Variants in SLIT3 observed in about 807,000 individuals in gnomAD.
SLIT3 encodes the protein slit guidance ligand 3.
A neutral mutation model predicts 184.0 loss-of-function variants in SLIT3; 68 were observed. The observed-to-expected ratio is 0.37, with a 90% CI of 0.30 to 0.45. The LOEUF (loss-of-function observed/expected upper bound fraction) is 0.45. Among genes scored for constraint, SLIT3 ranks in the 20% least tolerant of loss-of-function variants. The pLI is 1.00. For synonymous variants in SLIT3, 831 were observed against 828.6 expected (o/e 1.00, Z -0.05); for missense variants, 1,707 against 2,026.0 (o/e 0.84, Z 3.02).
At chr5:168,886,169 T>A (rs1760200765) in intron 4 of SLIT3, among the ~76,000 whole-genome samples, 1 of 152,206 alleles carries the variant, frequency 6.6e-6, no homozygotes, top group Non-Finnish European at 1.5e-5. Flanking sequence ...TTATTAATTT[T>A]ATTTTCCATT....
In SLIT3 at chr5:169,090,933, T is replaced by C. The variant is rs1417599623; in HGVS notation, c.413+102546A>G. ...TCTTAAGCTACAAGTCTGTGTATTGTGCTCCTCCATCGTATTCCCAAAACA... is the reference window on the plus strand; with the variant it reads ...TCTTAAGCTACAAGTCTGTGTATTGCGCTCCTCCATCGTATTCCCAAAACA... On this transcript the variant is annotated intron_variant, in intron 4 of 35. Coordinates refer to ENST00000519560, the MANE Select transcript of SLIT3 (RefSeq NM_003062.4). Among the ~76,000 whole-genome samples, 7 of 152,236 alleles carry C rather than the reference T, an allele frequency of 4.6e-5. No individual in the cohort carries two copies. The South Asian group carries it at 1.2e-3, about 27-fold the overall frequency.
rs368077546 is a variant in SLIT3 at position 168,724,530 on chromosome 5, C to G, written c.2271-46G>C. On this transcript the variant is annotated intron_variant, in intron 20 of 35. Coordinates refer to ENST00000519560, the MANE Select transcript of SLIT3 (RefSeq NM_003062.4). The stretch of plus-strand genomic sequence containing the variant: ...CAACACCTGAGAAAGAGACACTGTA[C>G]AAATTCTCACCTTTTCAGAGAAGCC... 1.1e-5 allele frequency: 17 copies of G among 1,541,676 alleles called. No homozygotes were observed. In the African/African-American group the frequency reaches 2.2e-4, roughly 20 times the overall value.
At chr5:169,225,684 G>A (rs926285797) in intron 3 of SLIT3, among the ~76,000 whole-genome samples, 7 of 152,200 alleles carry the variant, frequency 4.6e-5, no homozygotes, top group Admixed American at 1.3e-4. Context: ...GCTGAAAAAT[G>A]AATGGCAGTT....
chr5:168,896,650 G>C (rs1377149738), intron 4 of SLIT3, among the ~76,000 whole-genome samples: 1 of 152,222 alleles, frequency 6.6e-6, no homozygotes, highest in East Asian at 1.9e-4. Context: ...AGATGGCAAA[G>C]ATGGGAACAC....
intron 5 of SLIT3, among the ~76,000 whole-genome samples, chr5:168,867,631 T>C (rs550860794): frequency 6.6e-6 from 1 of 152,316 alleles, no homozygotes; most frequent in South Asian, 2.1e-4. Flanking sequence ...GATGTTCAAG[T>C]CCAGGAACAG....
chr5:169,044,075 C>G (rs17636298), intron 4 of SLIT3, among the ~76,000 whole-genome samples: 2,163 of 152,276 alleles, frequency 0.014, 15 homozygotes, highest in East Asian at 0.021. Context: ...AATCAATGCA[C>G]AGAAGCAAGG....
At chr5:169,022,895 G>C (rs1288681598) in intron 4 of SLIT3, 2 of 152,070 alleles carry the variant, frequency 1.3e-5, no homozygotes, top group Non-Finnish European at 2.9e-5. Flanking sequence ...ACCCACCCCA[G>C]CTTACAGCCC....
chr5:169,112,967 T>C (rs774730751), intron 4 of SLIT3, among the ~76,000 whole-genome samples: 1 of 152,158 alleles, frequency 6.6e-6, no homozygotes, highest in Non-Finnish European at 1.5e-5. Context: ...TTCCTCATGT[T>C]TAACCATCAC....
At position 169,150,279 on chromosome 5, in the gene SLIT3, G is replaced by C. The variant is rs376916326; in HGVS notation, c.413+43200C>G. ...ACTATACCAGGCACTTCACGGCAGA[G>C]AAAAACATCACAGATGCCTTGTGTG... On this transcript the variant is annotated intron_variant, in intron 4 of 35. Coordinates refer to ENST00000519560, the MANE Select transcript of SLIT3 (RefSeq NM_003062.4). 3.3e-5 allele frequency among the ~76,000 whole-genome samples: 5 copies of C among 152,284 alleles called. No homozygotes were observed. The South Asian group carries it at 1.0e-3, about 32-fold the overall frequency.
intron 1 of SLIT3, among the ~76,000 whole-genome samples, chr5:169,292,994 G>C (rs1379792364): frequency 6.6e-6 from 1 of 152,144 alleles, no homozygotes; most frequent in Admixed American, 6.5e-5. Flanking sequence ...AACAGTGAAG[G>C]CATGGAAGGT....
At chr5:169,123,173 C>T (rs1260448616) in intron 4 of SLIT3, among the ~76,000 whole-genome samples, 1 of 151,734 alleles carries the variant, frequency 6.6e-6, no homozygotes, top group Non-Finnish European at 1.5e-5. Context: ...GTTTGAGGTA[C>T]TAAGAAAGGT....
At chr5:168,764,114 T>C (rs1476582696) in intron 14 of SLIT3, among the ~76,000 whole-genome samples, 1 of 152,184 alleles carries the variant, frequency 6.6e-6, no homozygotes, top group African/African-American at 2.4e-5. Flanking sequence ...GTTGTGCAGA[T>C]GAAAGTAACA....
intron 20 of SLIT3, among the ~76,000 whole-genome samples, chr5:168,727,047 C>T (rs565282616): frequency 8.0e-5 from 12 of 149,408 alleles, no homozygotes; most frequent in East Asian, 6.0e-4. Flanking sequence ...TGGCTGGGCA[C>T]GGTGGCTCAC....
At chr5:168,709,097 G>GT (rs1762466324) in intron 25 of SLIT3, among the ~76,000 whole-genome samples, 1 of 137,432 alleles carries the variant, frequency 7.3e-6, no homozygotes, top group Admixed American at 7.8e-5. Context: ...GTTGTTTTCT[G>GT]TTTGTTTTTT....
At chr5:169,004,011 T>C (rs1464777293) in intron 4 of SLIT3, among the ~76,000 whole-genome samples, 1 of 152,088 alleles carries the variant, frequency 6.6e-6, no homozygotes, top group East Asian at 1.9e-4. Context: ...CATTGGTAAA[T>C]CATCAGCATA....
At chr5:168,697,504 G>A (rs191804942) in intron 27 of SLIT3, among the ~76,000 whole-genome samples, 349 of 152,266 alleles carry the variant, frequency 2.3e-3, no homozygotes, top group Admixed American at 3.7e-3. Flanking sequence ...GGCCTAACCC[G>A]TTTGTCAGGG....
At chr5:169,162,952 G>A (rs2113396606) in intron 4 of SLIT3, among the ~76,000 whole-genome samples, 1 of 152,222 alleles carries the variant, frequency 6.6e-6, no homozygotes, top group South Asian at 2.1e-4. Flanking sequence ...CAGAGAATGG[G>A]GAACTTGAAC....
At chr5:169,211,947 G>A (rs1212464947) in intron 3 of SLIT3, among the ~76,000 whole-genome samples, 1 of 152,112 alleles carries the variant, frequency 6.6e-6, no homozygotes, top group African/African-American at 2.4e-5. Context: ...CCATATTCCT[G>A]CAAAAGACAT....
chr5:168,703,538 A>G (rs2337549), intron 26 of SLIT3, among the ~76,000 whole-genome samples: 62,856 of 151,734 alleles, frequency 0.41, 13,062 homozygotes, highest in East Asian at 0.51. Context: ...TCTAACTAAT[A>G]CCTGATGATC....
Sources: gnomAD v4.1 joint callset for allele counts (sites outside exome capture counted in the v4.1 genomes callset) on GRCh38, gnomAD v4.1.1 for gene constraint, MANE v1.5 for transcripts, NCBI Gene and HGNC (gene_info 2026-07-23, HGNC 2026-07-21) for gene names.